The following ANK2 variants were observed in gnomAD, a reference collection of about 807,000 sequenced individuals.
ANK2 encodes ankyrin 2.
ANK2 carries 83 observed loss-of-function variants against 360.5 expected under a neutral mutation model. The observed-to-expected ratio is 0.23, with a 90% CI of 0.19 to 0.28. ANK2 has a LOEUF of 0.28. ANK2 is among the 10% of genes least tolerant of loss of function. The probability of loss-of-function intolerance (pLI) is 1.00; values close to 1 mark genes in which losing one functional copy is unlikely to be tolerated. For missense variants in ANK2, 4,201 were observed against 4,795.7 expected (o/e 0.88, Z 3.66); for synonymous variants, 1,740 against 1,759.5 (o/e 0.99, Z 0.28).
chr4:113,227,717 T>A (rs532834602), intron 4 of ANK2, among the ~76,000 whole-genome samples: 2 of 152,294 alleles, frequency 1.3e-5, no homozygotes, highest in South Asian at 4.1e-4. Flanking sequence ...TGCCTGTCAC[T>A]CCCAGATCAC....
At chr4:112,986,588 T>C (rs1013919309) in intron 2 of ANK2, among the ~76,000 whole-genome samples, 2 of 152,170 alleles carry the variant, frequency 1.3e-5, no homozygotes, top group African/African-American at 2.4e-5. Flanking sequence ...GTTTGGAAAG[T>C]CTTCAGCACA....
chr4:113,320,847 G>A (rs2085812370), intron 26 of ANK2, among the ~76,000 whole-genome samples: 1 of 152,114 alleles, frequency 6.6e-6, no homozygotes, highest in African/African-American at 2.4e-5. Flanking sequence ...GGTATACCTA[G>A]TTCTCTCAAA....
chr4:113,181,303 C>A (rs1197283269), intron 2 of ANK2, among the ~76,000 whole-genome samples: 1 of 152,158 alleles, frequency 6.6e-6, no homozygotes, highest in Admixed American at 6.5e-5. Flanking sequence ...TGAACACTCT[C>A]TTTCTATGGC....
chr4:113,002,295 A>G (rs2051036276), intron 2 of ANK2, among the ~76,000 whole-genome samples: 1 of 152,224 alleles, frequency 6.6e-6, no homozygotes, highest in Admixed American at 6.5e-5. Flanking sequence ...CACAATAGCA[A>G]AGACTTGGAA....
In ANK2 at chr4:113,086,158, A is replaced by T. The variant is rs918336328; in HGVS notation, c.84+36346A>T. On this transcript the variant is annotated intron_variant, in intron 1 of 45. Transcript: ENST00000357077. The stretch of plus-strand genomic sequence containing the variant: ...ATATAAATATTAAAATTGCCTCAGA[A>T]CACATTTAGGAACCACTGCATCCTG... 3.2e-4 allele frequency among the ~76,000 whole-genome samples: 48 copies of T among 152,292 alleles called. 1 individual carries two copies. The highest frequency in any genetic ancestry group is 8.5e-4 in the Admixed American group (13 of 15,306).
intron 1 of ANK2, among the ~76,000 whole-genome samples, chr4:113,129,209 A>G (rs190021521): frequency 6.6e-6 from 1 of 152,272 alleles, no homozygotes; most frequent in East Asian, 1.9e-4. Context: ...ATTTTTTTAT[A>G]GTAGAATTCC....
At chr4:112,760,001 A>T in the ANK2 span, among the ~76,000 whole-genome samples, 1 of 152,138 alleles carries the variant, frequency 6.6e-6, no homozygotes. Flanking sequence ...GTAGAAACTG[A>T]GATCTAATGT....
intron 2 of ANK2, 122 bp from the exon 3 acceptor site, chr4:113,196,246 A>G (rs1458815632): frequency 2.7e-6 from 2 of 749,792 alleles, no homozygotes; most frequent in African/African-American, 3.5e-5. Flanking sequence ...TTCTAATGCA[A>G]AAAGGAAAAA....
chr4:112,779,269 A>G, the ANK2 span, among the ~76,000 whole-genome samples: 3 of 152,240 alleles, frequency 2.0e-5, no homozygotes, highest in Non-Finnish European at 4.4e-5. Context: ...CTGTAATCCC[A>G]GCACTTTGGG....
intron 2 of ANK2, among the ~76,000 whole-genome samples, chr4:112,911,264 T>A (rs1171147605): frequency 6.9e-6 from 1 of 145,386 alleles, no homozygotes; most frequent in Non-Finnish European, 1.5e-5. Flanking sequence ...TCTCAACACT[T>A]TGGGAGGCCG....
intron 22 of ANK2, among the ~76,000 whole-genome samples, chr4:113,297,917 G>C (rs917420860): frequency 6.6e-6 from 1 of 151,938 alleles, no homozygotes; most frequent in Non-Finnish European, 1.5e-5. Flanking sequence ...CTACTCGGGA[G>C]TAGTAGGTGG....
At chr4:113,169,705 T>C (rs541210627) in intron 1 of ANK2, among the ~76,000 whole-genome samples, 1 of 152,190 alleles carries the variant, frequency 6.6e-6, no homozygotes, top group Non-Finnish European at 1.5e-5. Flanking sequence ...TGATTTCTTT[T>C]AAAGTATATA....
chr4:113,136,562 A>G (rs2096419582), intron 1 of ANK2, among the ~76,000 whole-genome samples: 1 of 152,020 alleles, frequency 6.6e-6, no homozygotes, highest in Non-Finnish European at 1.5e-5. Context: ...CATGCTTGTA[A>G]TCCCAGCTAC....
chr4:113,058,657 T>C (rs2071416969), intron 1 of ANK2, among the ~76,000 whole-genome samples: 1 of 152,108 alleles, frequency 6.6e-6, no homozygotes, highest in Admixed American at 6.6e-5. Context: ...CTTTCTCTCT[T>C]ACTCCATAGC....
At chr4:112,829,061 A>T (rs1417862938) in intron 1 of ANK2, among the ~76,000 whole-genome samples, 1 of 152,102 alleles carries the variant, frequency 6.6e-6, no homozygotes, top group East Asian at 1.9e-4. Context: ...GCTGAGGCAT[A>T]AGAATCGCTT....
intron 1 of ANK2, among the ~76,000 whole-genome samples, chr4:112,840,628 G>A (rs1240372284): frequency 6.6e-6 from 1 of 152,086 alleles, no homozygotes; most frequent in Non-Finnish European, 1.5e-5. Context: ...ATTCATTTAG[G>A]GACGGAAAAA....
intron 2 of ANK2, among the ~76,000 whole-genome samples, chr4:112,911,458 GC>G (rs1360078197): frequency 6.6e-6 from 1 of 151,820 alleles, no homozygotes; most frequent in African/African-American, 2.4e-5. Context: ...GGGAGGCGGA[GC>G]GTGCAGTGAG....
chr4:113,145,330 A>G (rs1158764078), intron 1 of ANK2, among the ~76,000 whole-genome samples: 1 of 152,218 alleles, frequency 6.6e-6, no homozygotes, highest in Non-Finnish European at 1.5e-5. Flanking sequence ...AGCAATTACA[A>G]AAATAATTTT....
intron 2 of ANK2, among the ~76,000 whole-genome samples, chr4:112,963,169 A>G (rs1228801031): frequency 1.3e-5 from 2 of 152,174 alleles, no homozygotes; most frequent in Non-Finnish European, 2.9e-5. Flanking sequence ...CTCTGAAAGC[A>G]ATATGAGAAT....
Sources: allele counts gnomAD v4.1 joint callset (sites outside exome capture counted in the v4.1 genomes callset), GRCh38; gene constraint gnomAD v4.1.1; transcripts MANE v1.5; gene names NCBI Gene and HGNC (gene_info 2026-07-23, HGNC 2026-07-21).